DIDO1: variants seen among roughly 807,000 people sequenced by gnomAD.
The protein encoded by DIDO1 is death-inducer obliterator 1.
DIDO1 carries 16 observed loss-of-function variants against 99.4 expected under a neutral mutation model. That is an observed-to-expected ratio of 0.16 (90% CI 0.11 to 0.24). The LOEUF (loss-of-function observed/expected upper bound fraction) is 0.24. Among genes scored for constraint, DIDO1 ranks in the 10% least tolerant of loss-of-function variants. The pLI is 1.00. For missense variants in DIDO1, 2,996 were observed against 3,014.0 expected (o/e 0.99, Z 0.14); for synonymous variants, 1,366 against 1,239.1 (o/e 1.10, Z -2.15).
chr20:62,927,051 TGAA>T (rs1475567461), upstream of DIDO1, among the ~76,000 whole-genome samples: 1 of 93,440 alleles, frequency 1.1e-5, no homozygotes, highest in Non-Finnish European at 1.9e-5. Flanking sequence ...CTCTCCAACT[TGAA>T]GACCCTACCT....
At chr20:62,886,005 GGT>G (rs2064291486) in intron 15 of DIDO1, among the ~76,000 whole-genome samples, 1 of 152,246 alleles carries the variant, frequency 6.6e-6, no homozygotes, top group Non-Finnish European at 1.5e-5. Flanking sequence ...GCTGCCCCGT[GGT>G]GTGTGAGCCC....
At position 62,894,628 on chromosome 20, in the gene DIDO1, G is replaced by A. The variant is rs2064475585; in HGVS notation, c.2437-80C>T. The A allele has an allele frequency of 1.3e-6, 2 of 1,551,508 alleles. No homozygotes were observed. The highest frequency in any genetic ancestry group is 1.2e-5 in the South Asian group (1 of 85,600). ...AAATTAACCACACACAAGAAAAGCA[G>A]TCTCATGGGATTGAGACCCACGGGG... On this transcript the variant is annotated intron_variant, in intron 10 of 15. Coordinates refer to ENST00000395343, the MANE Select transcript of DIDO1 (RefSeq NM_001193369.2). The surrounding 1 kb of genome is among the most constrained non-coding windows in gnomAD (Gnocchi z 4.4).
At chr20:62,935,974 C>G (rs531789201) in intron 1 of DIDO1, among the ~76,000 whole-genome samples, 5 of 152,222 alleles carry the variant, frequency 3.3e-5, no homozygotes, top group African/African-American at 1.2e-4. Context: ...ACTTGGTAAC[C>G]GGTTGGCTGT....
rs897594564 is a variant in DIDO1 at position 62,880,306 on chromosome 20, C to T, written c.5650G>A (p.Gly1884Ser). The change falls in exon 16 of 16, where the codon GGC becomes AGC. Residue 1884 changes from glycine to serine, a missense_variant. Transcript: ENST00000395343. The stretch of plus-strand genomic sequence containing the variant: ...TGGCCTCCGAACTGGAAAGGCGCGC[C>T]GCCTCTGCTTCCCAGAAATGGGGCT... ...EQAPFLGSRG[G>S]APFQFGGQRR... 3.7e-6 allele frequency: 6 copies of T among 1,612,802 alleles called. No individual in the cohort carries two copies. Among genetic ancestry groups the T allele is most frequent in the African/African-American group, 1.3e-5 (1 of 75,064 alleles).
At chr20:62,908,308 G>C (rs924239083) in intron 4 of DIDO1, among the ~76,000 whole-genome samples, 1 of 152,148 alleles carries the variant, frequency 6.6e-6, no homozygotes, top group South Asian at 2.1e-4. Flanking sequence ...AAAAAACAGC[G>C]TGAGGGCTTC....
intron 15 of DIDO1, among the ~76,000 whole-genome samples, chr20:62,884,044 GT>G (rs2064255738): frequency 6.6e-6 from 1 of 152,116 alleles, no homozygotes; most frequent in African/African-American, 2.4e-5. Flanking sequence ...TAGAAATTCA[GT>G]GAGCATTAAC....
rs1390110681 is a variant in DIDO1, at chr20:62,891,213, C to A, written c.3346-58G>T. ...AAAATGTGGCTCAAGCATCACACGC[C>A]CAATTCACATCCTGCTTTCAACAGG... On this transcript the variant is annotated intron_variant, in intron 14 of 15. Transcript: ENST00000395343. 13 of 1,606,824 alleles carry A rather than the reference C, an allele frequency of 8.1e-6. No individual in the cohort carries two copies. In the Middle Eastern group the frequency reaches 5.2e-4, roughly 64 times the overall value.
At chr20:62,895,374 C>T (rs995471858) in intron 8 of DIDO1, among the ~76,000 whole-genome samples, 1 of 152,138 alleles carries the variant, frequency 6.6e-6, no homozygotes, top group Non-Finnish European at 1.5e-5. Flanking sequence ...CCAGGATATC[C>T]CTGCTGTGAG....
chr20:62,894,735 A>G lies in DIDO1; in HGVS notation c.2436+75T>C. Reference sequence around the variant, plus strand: ...GCTGTAAGCTCAGGTCCTGCCCAATAATTTAAGATAACCTCAAAACATTTG... The same window carrying G: ...GCTGTAAGCTCAGGTCCTGCCCAATGATTTAAGATAACCTCAAAACATTTG... On this transcript the variant is annotated intron_variant, in intron 10 of 15. Coordinates refer to ENST00000395343, the MANE Select transcript of DIDO1 (RefSeq NM_001193369.2). This position sits in a 1 kb window ranked among gnomAD's most constrained non-coding sequence, Gnocchi z 4.4. 1.3e-6 allele frequency: 2 copies of G among 1,503,346 alleles called. No homozygotes were observed. Among genetic ancestry groups the G allele is most frequent in the Non-Finnish European group, 1.8e-6 (2 of 1,105,798 alleles). The allele number at this position is 1,503,346 out of a possible 1,614,324, so 93.1% of individuals were successfully genotyped here.
intron 1 of DIDO1, among the ~76,000 whole-genome samples, chr20:62,925,706 A>T (rs983815994): frequency 6.6e-6 from 1 of 152,096 alleles, no homozygotes; most frequent in African/African-American, 2.4e-5. Context: ...GCCGCAGCGG[A>T]GGCAGCACGA....
At chr20:62,908,471 G>A (rs541240663) in intron 4 of DIDO1, among the ~76,000 whole-genome samples, 1 of 152,280 alleles carries the variant, frequency 6.6e-6, no homozygotes, top group Admixed American at 6.5e-5. Flanking sequence ...GTAACTCATC[G>A]TGCAGCAGGA....
In DIDO1 at chr20:62,914,820, C is replaced by G. The variant is rs539402210; in HGVS notation, c.-199-414G>C. Among the ~76,000 whole-genome samples, 10 of 152,230 alleles carry G rather than the reference C, an allele frequency of 6.6e-5. No homozygotes were observed. The East Asian group carries it at 1.7e-3, about 26-fold the overall frequency. ...AACAAAAAGTGAAAAGGCTGAACAT[C>G]GAAATTATATAAGAATGTAATAATT... On this transcript the variant is annotated intron_variant, in intron 1 of 15. Coordinates refer to ENST00000395343, the MANE Select transcript of DIDO1 (RefSeq NM_001193369.2).
intron 1 of DIDO1, among the ~76,000 whole-genome samples, chr20:62,923,013 TG>T (rs1228405734): frequency 1.3e-5 from 2 of 151,570 alleles, no homozygotes; most frequent in Non-Finnish European, 2.9e-5. Context: ...TTGTTGGGGG[TG>T]GGGGGTGGAC....
chr20:62,916,480 TTTTG>T (rs1209257534), intron 1 of DIDO1, among the ~76,000 whole-genome samples: 1 of 152,234 alleles, frequency 6.6e-6, no homozygotes, highest in African/African-American at 2.4e-5. Context: ...ACCAAAGAGC[TTTTG>T]TTTATGTGGA....
Position 62,890,974 on chromosome 20 carries a change from G to A in DIDO1, c.3527C>T (p.Pro1176Leu). The part of the protein sequence containing the change: ...AQDPVPSKLL[P>L]FEGPGLESPR... ...CCGGCGCTTACCTGGTCCCTCAAAG[G>A]GCAAGAGTTTGGATGGAACAGGGTC... Residue 1176 changes from proline (P) to leucine (L), a missense_variant, in exon 15 of 16, where the codon CCC (proline) becomes CTC (leucine). By Grantham distance (98) the Pro-to-Leu change is moderately conservative. Coordinates refer to ENST00000395343, the MANE Select transcript of DIDO1 (RefSeq NM_001193369.2). The A allele has an allele frequency of 6.2e-7, 1 of 1,614,048 alleles. No homozygotes were observed. The highest frequency in any genetic ancestry group is 8.5e-7 in the Non-Finnish European group (1 of 1,180,040).
At chr20:62,885,443 A>T (rs1275743972) in intron 15 of DIDO1, among the ~76,000 whole-genome samples, 1 of 152,086 alleles carries the variant, frequency 6.6e-6, no homozygotes, top group Non-Finnish European at 1.5e-5. Flanking sequence ...TAGAACTCAA[A>T]CTTTTAATGG....
upstream of DIDO1, among the ~76,000 whole-genome samples, chr20:62,930,391 G>C (rs754388747): frequency 6.6e-6 from 1 of 152,202 alleles, no homozygotes; most frequent in Non-Finnish European, 1.5e-5. Flanking sequence ...GGACGATAGT[G>C]GGTAACATAA....
rs1440323644 is a variant in DIDO1, at chr20:62,882,286, C to T, written c.3670G>A (p.Asp1224Asn). The T allele has an allele frequency of 1.9e-6, 3 of 1,613,898 alleles. No homozygotes were observed. Among genetic ancestry groups the T allele is most frequent in the Admixed American group, 3.3e-5 (2 of 60,014 alleles). The change falls in exon 16 of 16, where the codon GAC (aspartate) becomes AAC (asparagine). Residue 1224 changes from aspartate to asparagine, a missense_variant. Physicochemically the swap from Asp to Asn is conservative, Grantham distance 23 (BLOSUM62 1). Around this residue, in one of 5 missense-constraint regions of DIDO1, gnomAD observed 1,562 missense variants for 1,412.6 expected, o/e 1.11. Coordinates refer to ENST00000395343, the MANE Select transcript of DIDO1 (RefSeq NM_001193369.2). ...GCTACTTTTGGATAGGCCGGAACGT[C>T]CGCTTCTTCCGGTTGAAGTCGGGTC... is the stretch of plus-strand genomic sequence containing the variant. ...KRTRLQPEEA[D>N]VPAYPKVATV...
rs2064197961 is a variant in DIDO1, at chr20:62,881,187, A to AGGGCACCCT, written c.4760_4768dup (p.Gln1587_Ala1589dup). 1 of 1,607,818 alleles carries AGGGCACCCT rather than the reference A, an allele frequency of 6.2e-7. No individual in the cohort carries two copies. Among genetic ancestry groups the AGGGCACCCT allele is most frequent in the East Asian group, 2.2e-5 (1 of 44,836 alleles). ...ACCCCTGGAAGCATCTCTCTCGGGC[A>AGGGCACCCT]GGGCACCCTGGGCACCACGTGCCGA... On this transcript the variant is annotated inframe_insertion, in exon 16 of 16. Coordinates refer to ENST00000395343, the MANE Select transcript of DIDO1 (RefSeq NM_001193369.2). The surrounding 1 kb of genome is among the most constrained non-coding windows in gnomAD (Gnocchi z 8.3).
Sources: allele counts gnomAD v4.1 joint callset (sites outside exome capture counted in the v4.1 genomes callset), GRCh38; gene constraint gnomAD v4.1.1; regional missense constraint gnomAD v4.1.1; non-coding constraint Gnocchi (gnomAD v3.1); transcripts MANE v1.5; gene names NCBI Gene and HGNC (gene_info 2026-07-23, HGNC 2026-07-21).